Variants in TMX2 observed in about 807,000 individuals in gnomAD.
TMX2 encodes the protein thioredoxin-related transmembrane protein 2.
A neutral mutation model predicts 33.4 loss-of-function variants in TMX2; 20 were observed. The observed-to-expected ratio is 0.60, with a 90% CI of 0.42 to 0.87. The LOEUF (loss-of-function observed/expected upper bound fraction) is 0.87. Among genes scored for constraint, TMX2 ranks in the 40% least tolerant of loss-of-function variants. The pLI is 0.00. For missense variants in TMX2, 340 were observed against 370.7 expected (o/e 0.92, Z 0.68); for synonymous variants, 166 against 140.7 (o/e 1.18, Z -1.27).
chr11:57,730,911 C>T (rs555931598), intron 1 of TMX2, among the ~76,000 whole-genome samples: 77 of 151,542 alleles, frequency 5.1e-4, no homozygotes, highest in African/African-American at 1.6e-3. Context: ...TTGTATAATT[C>T]GGTTGGCTAT....
At chr11:57,726,405 TCC>T (rs1383102977) in intron 1 of TMX2, among the ~76,000 whole-genome samples, 1 of 151,796 alleles carries the variant, frequency 6.6e-6, no homozygotes, top group Non-Finnish European at 1.5e-5. Context: ...AGAGCCAGAC[TCC>T]ATCTCCATAA....
intron 1 of TMX2, among the ~76,000 whole-genome samples, chr11:57,736,713 C>T (rs1948774269): frequency 6.6e-6 from 1 of 151,730 alleles, no homozygotes; most frequent in Admixed American, 6.6e-5. Flanking sequence ...CATGGGGAGA[C>T]CCGGTCTCTA....
In TMX2 at chr11:57,737,665, T is replaced by TACTG. The variant is rs1379538150; in HGVS notation, c.247_248insACTG (p.Ser83TyrfsTer16). 2 of 1,613,860 alleles carry TACTG rather than the reference T, an allele frequency of 1.2e-6. No individual in the cohort carries two copies. Among genetic ancestry groups the TACTG allele is most frequent in the East Asian group, 4.5e-5 (2 of 44,898 alleles). On this transcript the variant is annotated frameshift_variant, in exon 2 of 8. Coordinates refer to ENST00000278422, the MANE Select transcript of TMX2 (RefSeq NM_015959.4). LOFTEE classifies it high-confidence loss of function. ...CATTGTGATGATGAAGAACCGCAGA[T>TACTG]CCAGTAAGTTTAGTTCACTTCTCAG...
intron 1 of TMX2, among the ~76,000 whole-genome samples, chr11:57,715,649 A>T (rs1946941408): frequency 7.1e-6 from 1 of 141,586 alleles, no homozygotes; most frequent in South Asian, 2.2e-4. Flanking sequence ...TGGCAGGGTC[A>T]TAGGACAATA....
intron 1 of TMX2, among the ~76,000 whole-genome samples, chr11:57,724,340 C>G (rs1947834564): frequency 6.6e-6 from 1 of 152,102 alleles, no homozygotes; most frequent in Non-Finnish European, 1.5e-5. Flanking sequence ...TGAAGTACCC[C>G]AGATGAAGCA....
chr11:57,725,240 A>G (rs1947903423), intron 1 of TMX2, among the ~76,000 whole-genome samples: 1 of 152,096 alleles, frequency 6.6e-6, no homozygotes, highest in Non-Finnish European at 1.5e-5. Context: ...AGATTAAGCC[A>G]TTATTTATCT....
At chr11:57,737,459 C>T (rs1385416927) in intron 1 of TMX2, 149 bp from the exon 2 acceptor site, 2 of 645,610 alleles carry the variant, frequency 3.1e-6, no homozygotes. Flanking sequence ...TGATGTTTAT[C>T]CCCGTACACC....
intron 1 of TMX2, among the ~76,000 whole-genome samples, chr11:57,733,401 C>T (rs974118207): frequency 6.6e-6 from 1 of 151,826 alleles, no homozygotes; most frequent in Non-Finnish European, 1.5e-5. Flanking sequence ...ACTACAGGTG[C>T]CCGCCATCAC....
Position 57,737,910 on chromosome 11 carries a change from C to T in TMX2, c.251-3C>T. The T allele has an allele frequency of 1.2e-6, 2 of 1,614,168 alleles. No individual in the cohort carries two copies. Among genetic ancestry groups the T allele is most frequent in the Non-Finnish European group, 1.7e-6 (2 of 1,180,000 alleles). On this transcript the variant is annotated splice_region_variant and splice_polypyrimidine_tract_variant and intron_variant, in intron 2 of 7. Coordinates refer to ENST00000278422, the MANE Select transcript of TMX2 (RefSeq NM_015959.4). ...CCTGACCTGTGACATCTCTGTGTTT[C>T]AGTCACTGTGGAGCAACATATAGGC...
intron 1 of TMX2, among the ~76,000 whole-genome samples, chr11:57,721,565 C>T (rs1167243288): frequency 6.6e-6 from 1 of 151,944 alleles, no homozygotes. Context: ...ATCCACCAGC[C>T]TCGGCCTCCC....
intron 1 of TMX2, among the ~76,000 whole-genome samples, 156 bp downstream of exon 1, chr11:57,712,963 G>A (rs1265758397): frequency 1.3e-5 from 2 of 152,226 alleles, no homozygotes; most frequent in African/African-American, 4.8e-5. Flanking sequence ...AACCATCATC[G>A]AGTCTAAACT....
chr11:57,726,290 G>A (rs933792986), intron 1 of TMX2, among the ~76,000 whole-genome samples: 1 of 152,042 alleles, frequency 6.6e-6, no homozygotes, highest in African/African-American at 2.4e-5. Context: ...GCATGCGCCT[G>A]TAGTCCCAGC....
rs768420397 is a variant in TMX2, at chr11:57,740,284, C to T, written c.*39C>T. The T allele has an allele frequency of 4.5e-6, 7 of 1,539,298 alleles. No individual in the cohort carries two copies. Among genetic ancestry groups the T allele is most frequent in the Non-Finnish European group, 3.5e-6 (4 of 1,147,774 alleles). On this transcript the variant is annotated 3_prime_UTR_variant, in exon 8 of 8. Coordinates refer to ENST00000278422, the MANE Select transcript of TMX2 (RefSeq NM_015959.4). Reference sequence around the variant, plus strand: ...GCAGTGCTTCCTCTCCTGTCAATTCCAGGCTCTTTCCATAACCACAAGCCT... The same window carrying T: ...GCAGTGCTTCCTCTCCTGTCAATTCTAGGCTCTTTCCATAACCACAAGCCT...
chr11:57,714,327 A>T (rs1946834113), intron 1 of TMX2, among the ~76,000 whole-genome samples: 1 of 152,246 alleles, frequency 6.6e-6, no homozygotes, highest in Non-Finnish European at 1.5e-5. Context: ...AGGCCTCTGT[A>T]TATGATGTAG....
At position 57,737,898 on chromosome 11, in the gene TMX2, A is replaced by G; in HGVS notation, c.251-15A>G. 1 of 1,614,218 alleles carries G rather than the reference A, an allele frequency of 6.2e-7. No individual in the cohort carries two copies. Among genetic ancestry groups the G allele is most frequent in the Non-Finnish European group, 8.5e-7 (1 of 1,180,034 alleles). ...TGCACAGCCCAGCCTGACCTGTGAC[A>G]TCTCTGTGTTTCAGTCACTGTGGAG... On this transcript the variant is annotated splice_polypyrimidine_tract_variant and intron_variant, in intron 2 of 7. Transcript: ENST00000278422.
In TMX2 at chr11:57,718,081, T is replaced by C. The variant is rs556949660; in HGVS notation, c.189+5274T>C. On this transcript the variant is annotated intron_variant, in intron 1 of 7. Transcript: ENST00000278422. ...TCAGCAATGGTGATCTTCTTGCTGG[T>C]CTTGCCATTCCTGGACCCAAAGCGC... The C allele has an allele frequency of 8.6e-4, 1,098 of 1,280,598 alleles. 5 individuals carry two copies. Among genetic ancestry groups the C allele is most frequent in the Non-Finnish European group, 5.4e-4 (478 of 882,966 alleles). The allele number at this position is 1,280,598 out of a possible 1,614,324, so 79.3% of individuals were successfully genotyped here. A position where few individuals can be genotyped will look rare whatever the true frequency, so the allele number is the denominator to read the frequency against.
intron 1 of TMX2, among the ~76,000 whole-genome samples, chr11:57,730,823 T>C (rs560364827): frequency 6.6e-6 from 1 of 152,196 alleles, no homozygotes; most frequent in African/African-American, 2.4e-5. Context: ...GAGAGACATT[T>C]AGGGTAAAAC....
chr11:57,722,008 A>AG (rs1565218494), intron 1 of TMX2, among the ~76,000 whole-genome samples: 2 of 152,020 alleles, frequency 1.3e-5, no homozygotes, highest in African/African-American at 4.8e-5. Flanking sequence ...TTAAAAATTG[A>AG]GGGGGGAGAC....
chr11:57,725,944 C>G (rs998034263), intron 1 of TMX2, among the ~76,000 whole-genome samples: 4 of 152,002 alleles, frequency 2.6e-5, no homozygotes, highest in African/African-American at 9.7e-5. Flanking sequence ...AACAAAGCCT[C>G]CTGGGTATAA....
Sources: gnomAD v4.1 joint callset for allele counts (sites outside exome capture counted in the v4.1 genomes callset) on GRCh38, gnomAD v4.1.1 for gene constraint, MANE v1.5 for transcripts, NCBI Gene and HGNC (gene_info 2026-07-23, HGNC 2026-07-21) for gene names.